GLRA2: variants seen among roughly 807,000 people sequenced by gnomAD.
GLRA2 encodes glycine receptor alpha 2.
A neutral mutation model predicts 31.6 loss-of-function variants in GLRA2; 11 were observed. The observed-to-expected ratio is 0.35, with a 90% CI of 0.22 to 0.58. The LOEUF is 0.58. Ranked by LOEUF, GLRA2 falls within the 20% of genes least tolerant of loss-of-function variation. GLRA2 has a pLI of 0.84. For missense variants in GLRA2, 212 were observed against 351.8 expected (o/e 0.60, Z 3.18); for synonymous variants, 132 against 134.0 (o/e 0.99, Z 0.10).
At chrX:14,720,998 T>C (rs183674332) in intron 8 of GLRA2, among the ~76,000 whole-genome samples, 2 of 109,184 alleles carry the variant, frequency 1.8e-5, no homozygotes, top group Non-Finnish European at 3.8e-5. Context: ...TGGTGGCACA[T>C]GACCCGTCCA....
intron 5 of GLRA2, 74 bp downstream of exon 5, chrX:14,604,471 G>C (rs2090310796): frequency 4.7e-6 from 3 of 634,718 alleles, no homozygotes; most frequent in Non-Finnish European, 7.7e-6. Context: ...TGTCATTAAA[G>C]AGAAAGGACC....
chrX:14,497,684 G>T, the GLRA2 span, among the ~76,000 whole-genome samples: 1 of 111,745 alleles, frequency 8.9e-6, no homozygotes, highest in East Asian at 2.8e-4. Flanking sequence ...ATTTGAACCA[G>T]ATTTTAAAAG....
At chrX:14,528,203 T>C (rs2089203656), upstream of GLRA2, among the ~76,000 whole-genome samples, 1 of 111,971 alleles carries the variant, frequency 8.9e-6, no homozygotes, top group South Asian at 3.7e-4. Context: ...CCAGACCTAC[T>C]GGATCATAAT....
At chrX:14,476,473 G>A in the GLRA2 span, among the ~76,000 whole-genome samples, 1 of 111,519 alleles carries the variant, frequency 9.0e-6, no homozygotes, top group Non-Finnish European at 1.9e-5. Flanking sequence ...TTCAGAATGT[G>A]GTAAGGTAGC....
chrX:14,672,090 T>G (rs1331963339), intron 7 of GLRA2, among the ~76,000 whole-genome samples: 2 of 112,246 alleles, frequency 1.8e-5, no homozygotes, highest in Non-Finnish European at 3.8e-5. Context: ...ATATCCCAAG[T>G]GGGAGTGTGA....
At position 14,543,289 on chromosome X, in the gene GLRA2, T is replaced by C. The variant is rs73452637; in HGVS notation, c.202+10917T>C. Among the ~76,000 whole-genome samples the C allele has an allele frequency of 9.9e-3, 1,045 of 105,325 alleles. 23 individuals are homozygous for C. The highest frequency in any genetic ancestry group is 0.035 in the African/African-American group (1,006 of 28,899). 91.5% of individuals were successfully genotyped at this position (105,325 alleles called of 115,157 possible). A position where few individuals can be genotyped will look rare whatever the true frequency, so the allele number is the denominator to read the frequency against. On this transcript the variant is annotated intron_variant, in intron 2 of 8. Transcript: ENST00000218075. ...ACTTAGAACAAGATGTCTCTCTACTTCACTTCTAACTTTGATGGTCCCTGG... is the reference window on the plus strand; with the variant it reads ...ACTTAGAACAAGATGTCTCTCTACTCCACTTCTAACTTTGATGGTCCCTGG...
intron 4 of GLRA2, among the ~76,000 whole-genome samples, chrX:14,598,641 T>G (rs999729065): frequency 2.2e-4 from 25 of 111,893 alleles, no homozygotes; most frequent in African/African-American, 8.1e-4. Flanking sequence ...AGTCCTGTAA[T>G]TTAGCAGCAT....
chrX:14,504,055 T>C, the GLRA2 span, among the ~76,000 whole-genome samples: 1 of 111,852 alleles, frequency 8.9e-6, no homozygotes, highest in Non-Finnish European at 1.9e-5. Flanking sequence ...CCAGTCTTTT[T>C]TTCTACTAAT....
At chrX:14,701,752 A>G (rs774424504) in intron 8 of GLRA2, among the ~76,000 whole-genome samples, 159 of 112,874 alleles carry the variant, frequency 1.4e-3, no homozygotes, top group Non-Finnish European at 1.9e-3. Context: ...TTATATTTCT[A>G]TAGTTACCAA....
At chrX:14,699,226 T>C (rs757195137) in intron 8 of GLRA2, among the ~76,000 whole-genome samples, 1 of 112,124 alleles carries the variant, frequency 8.9e-6, no homozygotes, top group African/African-American at 3.2e-5. Flanking sequence ...TTCTCTACAA[T>C]GCAGCCTCAC....
chrX:14,578,181 G>A (rs1428713965), intron 3 of GLRA2, among the ~76,000 whole-genome samples: 1 of 111,707 alleles, frequency 9.0e-6, no homozygotes, highest in East Asian at 2.8e-4. Context: ...TTTAGTTTGG[G>A]GTATTTGTTC....
intron 7 of GLRA2, among the ~76,000 whole-genome samples, chrX:14,632,219 A>G (rs2090657868): frequency 9.1e-6 from 1 of 109,791 alleles, no homozygotes; most frequent in African/African-American, 3.3e-5. Context: ...CATTTTCCAA[A>G]TATATTTTAA....
At chrX:14,721,902 T>C (rs1472361783) in intron 8 of GLRA2, among the ~76,000 whole-genome samples, 1 of 111,610 alleles carries the variant, frequency 9.0e-6, no homozygotes, top group Non-Finnish European at 1.9e-5. Context: ...CTATTTTCCA[T>C]GTTACCACAG....
the GLRA2 span, among the ~76,000 whole-genome samples, chrX:14,458,141 G>A: frequency 9.1e-6 from 1 of 110,209 alleles, no homozygotes; most frequent in African/African-American, 3.3e-5. Flanking sequence ...TTGTCCTTGT[G>A]ATAGTTTGCT....
chrX:14,703,370 C>T (rs770814956), intron 8 of GLRA2, among the ~76,000 whole-genome samples: 6 of 111,423 alleles, frequency 5.4e-5, no homozygotes, highest in African/African-American at 2.0e-4. Flanking sequence ...TGTTCAAAGC[C>T]ATAACATTGC....
intron 2 of GLRA2, among the ~76,000 whole-genome samples, chrX:14,551,428 C>T (rs1055037829): frequency 4.5e-5 from 5 of 110,950 alleles, no homozygotes; most frequent in African/African-American, 1.6e-4. Flanking sequence ...TCTCCAATCA[C>T]CCAACAGCTT....
At chrX:14,464,802 A>G in the GLRA2 span, among the ~76,000 whole-genome samples, 1 of 111,247 alleles carries the variant, frequency 9.0e-6, no homozygotes, top group Non-Finnish European at 1.9e-5. Context: ...TGATCTGCCC[A>G]CCTCGGCCTC....
upstream of GLRA2, among the ~76,000 whole-genome samples, chrX:14,528,990 C>T (rs1378613723): frequency 9.0e-6 from 1 of 111,184 alleles, no homozygotes; most frequent in Non-Finnish European, 1.9e-5. Context: ...ATTAAAAAGG[C>T]GAGGAAGGCA....
At chrX:14,518,266 T>C in the GLRA2 span, among the ~76,000 whole-genome samples, 1 of 112,185 alleles carries the variant, frequency 8.9e-6, no homozygotes, top group Non-Finnish European at 1.9e-5. Context: ...TTTTACATTA[T>C]GGCAAGAGCA....
Sources: gnomAD v4.1 joint callset for allele counts (sites outside exome capture counted in the v4.1 genomes callset) on GRCh38, gnomAD v4.1.1 for gene constraint, MANE v1.5 for transcripts, NCBI Gene and HGNC (gene_info 2026-07-23, HGNC 2026-07-21) for gene names.